Variants in BAZ1B observed in about 807,000 individuals in gnomAD.
The protein encoded by BAZ1B is tyrosine-protein kinase BAZ1B.
A neutral mutation model predicts 153.8 loss-of-function variants in BAZ1B; 22 were observed. That is an observed-to-expected ratio of 0.14 (90% CI 0.10 to 0.20). The LOEUF is 0.20. BAZ1B is among the 10% of genes least tolerant of loss of function. BAZ1B has a pLI of 1.00. For synonymous variants in BAZ1B, 676 were observed against 633.4 expected (o/e 1.07, Z -1.01); for missense variants, 1,325 against 1,799.3 (o/e 0.74, Z 4.77).
At chr7:73,476,782 C>CAG in intron 7 of BAZ1B, 86 bp downstream of exon 7, 1 of 1,516,138 alleles carries the variant, frequency 6.6e-7, no homozygotes, top group South Asian at 1.4e-5. Flanking sequence ...AGTAAACAAA[C>CAG]AGAGACCCTA....
intron 9 of BAZ1B, 49 bp downstream of exon 9, chr7:73,469,468 G>A (rs1554571680): frequency 1.2e-6 from 2 of 1,602,888 alleles, no homozygotes; most frequent in Non-Finnish European, 1.7e-6. Flanking sequence ...TTAATGTTGA[G>A]CCCACTTGAG....
intron 15 of BAZ1B, among the ~76,000 whole-genome samples, chr7:73,448,649 G>C (rs1376568427): frequency 2.0e-5 from 3 of 152,184 alleles, no homozygotes; most frequent in Admixed American, 6.5e-5. Flanking sequence ...CGAAGCCATG[G>C]GCAGTTTACC....
At chr7:73,449,758 G>T in intron 14 of BAZ1B, 69 bp from the exon 15 acceptor site, 1 of 1,525,390 alleles carries the variant, frequency 6.6e-7, no homozygotes. Flanking sequence ...TAAGGAAGAG[G>T]CAATCACCCT....
At chr7:73,516,296 G>A (rs147713126) in intron 1 of BAZ1B, among the ~76,000 whole-genome samples, 80 of 152,130 alleles carry the variant, frequency 5.3e-4, no homozygotes, top group African/African-American at 1.9e-3. Flanking sequence ...GACTACAGGC[G>A]CACACCACCA....
At chr7:73,452,927 C>T (rs555617477) in intron 13 of BAZ1B, among the ~76,000 whole-genome samples, 21 of 152,106 alleles carry the variant, frequency 1.4e-4, no homozygotes, top group Non-Finnish European at 2.8e-4. Context: ...CAAACAAAAC[C>T]CAGGATTTTG....
chr7:73,518,432 A>G (rs905741130), intron 1 of BAZ1B, among the ~76,000 whole-genome samples: 8 of 151,286 alleles, frequency 5.3e-5, no homozygotes, highest in Non-Finnish European at 1.2e-4. Flanking sequence ...ATAAATAAAT[A>G]AATAAAAATA....
At chr7:73,451,512 C>T (rs1250170724) in intron 13 of BAZ1B, among the ~76,000 whole-genome samples, 2 of 152,102 alleles carry the variant, frequency 1.3e-5, no homozygotes, top group Admixed American at 6.6e-5. Flanking sequence ...GATTCTGTTC[C>T]GAAGTGGGGT....
intron 5 of BAZ1B, among the ~76,000 whole-genome samples, chr7:73,489,784 C>A (rs1789563699): frequency 6.6e-6 from 1 of 152,120 alleles, no homozygotes; most frequent in Non-Finnish European, 1.5e-5. Flanking sequence ...CAGAGTGAGA[C>A]CCTATCTGAG....
Position 73,442,344 on chromosome 7 carries a change from C to G in BAZ1B, c.4304G>C (p.Cys1435Ser). The G allele has an allele frequency of 6.2e-7, 1 of 1,614,228 alleles. No individual in the cohort carries two copies. Among genetic ancestry groups the G allele is most frequent in the East Asian group, 2.2e-5 (1 of 44,890 alleles). Residue 1435 changes from cysteine (C) to serine (S), a missense_variant, in exon 19 of 20, where the codon TGT becomes TCT. Around this residue, in one of 9 missense-constraint regions of BAZ1B, gnomAD observed 271 missense variants for 337.2 expected, o/e 0.80. Transcript: ENST00000339594. Reference protein sequence around the residue: ...VLSCMVKTEQCLVALLHKHLP... With the variant: ...VLSCMVKTEQSLVALLHKHLP... ...GTGTTTATGCAACAGAGCCACTAGA[C>G]ACTGTTCTGTCTTCACCATGCAGCT...
intron 5 of BAZ1B, among the ~76,000 whole-genome samples, chr7:73,491,017 G>A (rs1789618459): frequency 6.6e-6 from 1 of 151,890 alleles, no homozygotes; most frequent in Non-Finnish European, 1.5e-5. Context: ...GCCAGGTGCA[G>A]TGGCTCATGC....
At chr7:73,510,477 A>C (rs1790536671) in intron 2 of BAZ1B, among the ~76,000 whole-genome samples, 1 of 152,224 alleles carries the variant, frequency 6.6e-6, no homozygotes, top group African/African-American at 2.4e-5. Flanking sequence ...AGTACTTACA[A>C]GGTCAAAGTA....
In BAZ1B at chr7:73,477,712, T is replaced by C; in HGVS notation, c.1749A>G (p.Gln583=). ...RLEKQKRYED[Q]ELTGKNLPAF... is the part of the protein sequence containing the mutation. ...CTGGAAGGTTTTTGCCAGTTAACTC[T>C]TGGTCCTCATACCGCTTCTGTTTTT... Residue 583 remains glutamine, a synonymous_variant, in exon 7 of 20, where the codon CAA becomes CAG. Coordinates refer to ENST00000339594, the MANE Select transcript of BAZ1B (RefSeq NM_032408.4). The surrounding 1 kb of genome is among the most constrained non-coding windows in gnomAD (Gnocchi z 5.6). 1 of 1,614,236 alleles carries C rather than the reference T, an allele frequency of 6.2e-7. No individual in the cohort carries two copies. The highest frequency in any genetic ancestry group is 8.5e-7 in the Non-Finnish European group (1 of 1,180,046).
At chr7:73,456,861 G>A (rs1788219947) in intron 13 of BAZ1B, among the ~76,000 whole-genome samples, 1 of 136,432 alleles carries the variant, frequency 7.3e-6, no homozygotes, top group South Asian at 2.4e-4. Context: ...CAGGAGAATC[G>A]CTTGAACCCA....
At chr7:73,510,305 T>A (rs1399778746) in intron 2 of BAZ1B, among the ~76,000 whole-genome samples, 6 of 152,160 alleles carry the variant, frequency 3.9e-5, no homozygotes, top group Non-Finnish European at 8.8e-5. Context: ...GGCGAGCACC[T>A]GTAGTCCCAG....
At chr7:73,495,413 A>C (rs1789836125) in intron 4 of BAZ1B, among the ~76,000 whole-genome samples, 2 of 152,252 alleles carry the variant, frequency 1.3e-5, no homozygotes, top group African/African-American at 4.8e-5. Flanking sequence ...CTGTGCCATG[A>C]ATAGCATATA....
At chr7:73,500,549 A>G (rs1376398597) in intron 3 of BAZ1B, among the ~76,000 whole-genome samples, 3 of 151,978 alleles carry the variant, frequency 2.0e-5, no homozygotes, top group African/African-American at 7.2e-5. Context: ...CTCACAAAAT[A>G]AAAATAAAAA....
chr7:73,457,657 C>T (rs1377239538), intron 13 of BAZ1B, among the ~76,000 whole-genome samples: 2 of 152,070 alleles, frequency 1.3e-5, no homozygotes, highest in African/African-American at 2.4e-5. Flanking sequence ...TTCAGAGGAG[C>T]CCCTTTGGAT....
chr7:73,448,349 C>G (rs567088918), intron 15 of BAZ1B, among the ~76,000 whole-genome samples: 52 of 152,300 alleles, frequency 3.4e-4, no homozygotes, highest in African/African-American at 1.2e-3. Context: ...GCACATTTTA[C>G]AACCCCAAAT....
At chr7:73,518,010 C>T (rs566536297) in intron 1 of BAZ1B, among the ~76,000 whole-genome samples, 2 of 152,248 alleles carry the variant, frequency 1.3e-5, no homozygotes, top group Admixed American at 6.5e-5. Flanking sequence ...GCTTTTTACT[C>T]GATATTCTCT....
Sources: allele counts gnomAD v4.1 joint callset (sites outside exome capture counted in the v4.1 genomes callset), GRCh38; gene constraint gnomAD v4.1.1; regional missense constraint gnomAD v4.1.1; non-coding constraint Gnocchi (gnomAD v3.1); transcripts MANE v1.5; gene names NCBI Gene and HGNC (gene_info 2026-07-23, HGNC 2026-07-21).